Variants in KIF24 observed in about 807,000 individuals in gnomAD.
KIF24 encodes kinesin-like protein KIF24.
A neutral mutation model predicts 118.9 loss-of-function variants in KIF24; 81 were observed. The observed-to-expected ratio is 0.68, with a 90% confidence interval of 0.57 to 0.82. KIF24 has a LOEUF of 0.82. Among genes scored for constraint, KIF24 ranks in the 40% least tolerant of loss-of-function variants. KIF24 has a pLI of 0.00. For synonymous variants in KIF24, 599 were observed against 610.0 expected, an observed-to-expected ratio of 0.98 and a Z score of 0.27; for missense variants, 1,560 against 1,661.6, an observed-to-expected ratio of 0.94 and a Z score of 1.06.
intron 1 of KIF24, among the ~76,000 whole-genome samples, chr9:34,312,303 T>C (rs10814095): frequency 0.71 from 107,387 of 152,080 alleles, 39,750 homozygotes; most frequent in East Asian, 0.95. Flanking sequence ...AAAATTTTAA[T>C]ATCAAGATAT....
Position 34,306,388 on chromosome 9 carries a change from ACT to A in KIF24, c.675_676del (p.Arg225SerfsTer19), listed in dbSNP as rs774347008. On this transcript the variant is annotated frameshift_variant, in exon 3 of 13. Coordinates refer to ENST00000402558, the MANE Select transcript of KIF24 (RefSeq NM_194313.4). LOFTEE classifies it high-confidence loss of function. Reference sequence around the variant, plus strand: ...GCCCAGGGGGCGTTTTCGAACACAAACTCTGATTTTCTCCATCTCAGTCCAAG... The same window carrying A: ...GCCCAGGGGGCGTTTTCGAACACAAACTGATTTTCTCCATCTCAGTCCAAG... The A allele has an allele frequency of 3.6e-5, 58 of 1,612,602 alleles. No individual in the cohort carries two copies. The highest frequency in any genetic ancestry group is 3.3e-4 in the Middle Eastern group (2 of 6,056).
intron 4 of KIF24, among the ~76,000 whole-genome samples, chr9:34,292,710 G>C (rs1451103931): frequency 6.6e-6 from 1 of 152,224 alleles, no homozygotes; most frequent in Non-Finnish European, 1.5e-5. Context: ...GCTTGGAGCA[G>C]AGACCAGCTA....
At chr9:34,310,455 A>G (rs1189689471) in intron 2 of KIF24, among the ~76,000 whole-genome samples, 1 of 152,192 alleles carries the variant, frequency 6.6e-6, no homozygotes, top group African/African-American at 2.4e-5. Flanking sequence ...AAACAATAGA[A>G]ACAGATCTGC....
intron 3 of KIF24, among the ~76,000 whole-genome samples, chr9:34,303,850 A>G (rs1408765756): frequency 1.3e-5 from 2 of 152,176 alleles, no homozygotes; most frequent in Non-Finnish European, 2.9e-5. Flanking sequence ...TCCTGTCTCA[A>G]ACAGACAGAC....
intron 4 of KIF24, among the ~76,000 whole-genome samples, chr9:34,295,085 C>T (rs918167656): frequency 2.0e-5 from 3 of 152,098 alleles, no homozygotes; most frequent in Admixed American, 1.3e-4. Flanking sequence ...GGCTACTTGG[C>T]ATTTTCTATC....
intron 1 of KIF24, among the ~76,000 whole-genome samples, chr9:34,320,658 CAAAAAAAAAAA>C (rs68048466): frequency 3.7e-5 from 2 of 54,442 alleles, no homozygotes; most frequent in East Asian, 6.7e-4. Context: ...AACTCCTTCT[CAAAAAAAAAAA>C]AAAAAAAAAA....
At chr9:34,314,502 C>T (rs1837275734) in intron 1 of KIF24, among the ~76,000 whole-genome samples, 2 of 151,994 alleles carry the variant, frequency 1.3e-5, no homozygotes, top group South Asian at 4.1e-4. Context: ...ATACCTGAGC[C>T]CCATCCCAGA....
At chr9:34,266,714 AAG>A (rs1253266116) in intron 8 of KIF24, among the ~76,000 whole-genome samples, 1 of 151,774 alleles carries the variant, frequency 6.6e-6, no homozygotes, top group Admixed American at 6.6e-5. Context: ...AAGAAAGAAA[AAG>A]AAACCAAGAC....
At chr9:34,307,951 T>C (rs570120706) in intron 2 of KIF24, among the ~76,000 whole-genome samples, 6 of 151,918 alleles carry the variant, frequency 3.9e-5, no homozygotes, top group Non-Finnish European at 8.8e-5. Context: ...CTTTTGCATA[T>C]GTTTGATTTT....
At chr9:34,311,718 GTATA>G (rs1167814000) in intron 1 of KIF24, among the ~76,000 whole-genome samples, 2 of 134,034 alleles carry the variant, frequency 1.5e-5, no homozygotes, top group African/African-American at 5.6e-5. Context: ...ACGTATATAT[GTATA>G]TACACGTATA....
At chr9:34,259,946 G>A (rs1834994595) in intron 9 of KIF24, among the ~76,000 whole-genome samples, 1 of 152,150 alleles carries the variant, frequency 6.6e-6, no homozygotes, top group Admixed American at 6.5e-5. Flanking sequence ...ATTAGATTAA[G>A]AGACTAACGA....
At position 34,302,876 on chromosome 9, in the gene KIF24, C is replaced by T. The variant is rs369345613; in HGVS notation, c.813+3376G>A. On this transcript the variant is annotated intron_variant, in intron 3 of 12. Transcript: ENST00000402558. ...CTGCAAGCTCCGCCTCCCGGGTTCA[C>T]GCCATTCTCCTGCCTCAGCCTCCCA... is the stretch of plus-strand genomic sequence containing the variant. Among the ~76,000 whole-genome samples the T allele has an allele frequency of 1.5e-4, 21 of 141,774 alleles. No individual in the cohort carries two copies. In the East Asian group the frequency reaches 1.9e-3, roughly 13 times the overall value. 93.0% of individuals were successfully genotyped at this position (141,774 alleles called of 152,430 possible). A position where few individuals can be genotyped will look rare whatever the true frequency, so the allele number is the denominator to read the frequency against.
chr9:34,254,209 GA>G lies in KIF24; in HGVS notation c.*170del. 1 of 586,358 alleles carries G rather than the reference GA, an allele frequency of 1.7e-6. No individual in the cohort carries two copies. Among genetic ancestry groups the G allele is most frequent in the Non-Finnish European group, 2.8e-6 (1 of 358,482 alleles). The allele number at this position is 586,358 out of a possible 1,614,324, so 36.3% of individuals were successfully genotyped here. On this transcript the variant is annotated 3_prime_UTR_variant, in exon 13 of 13. Coordinates refer to ENST00000402558, the MANE Select transcript of KIF24 (RefSeq NM_194313.4). The stretch of plus-strand genomic sequence containing the variant: ...GAGGGACAGGGGCCTGTCCCTGAGG[GA>G]GAAGCTGGGACCTATCTGAAGCCAC...
chr9:34,321,972 C>G (rs1837540119), intron 1 of KIF24, among the ~76,000 whole-genome samples: 2 of 152,074 alleles, frequency 1.3e-5, no homozygotes, highest in South Asian at 4.2e-4. Flanking sequence ...CAGAGATAAT[C>G]TAATCTGTAG....
intron 3 of KIF24, among the ~76,000 whole-genome samples, chr9:34,298,688 T>A (rs142477950): frequency 1.3e-5 from 2 of 152,278 alleles, no homozygotes; most frequent in African/African-American, 4.8e-5. Flanking sequence ...ACTAACTTTA[T>A]AGGCAAGAAG....
At chr9:34,323,360 A>C (rs919295214) in intron 1 of KIF24, among the ~76,000 whole-genome samples, 1 of 152,220 alleles carries the variant, frequency 6.6e-6, no homozygotes, top group East Asian at 1.9e-4. Flanking sequence ...ACGTTTTTAC[A>C]TTTGGTGAAA....
At chr9:34,292,544 T>G (rs1247430527) in intron 4 of KIF24, among the ~76,000 whole-genome samples, 2 of 152,136 alleles carry the variant, frequency 1.3e-5, no homozygotes, top group Non-Finnish European at 2.9e-5. Flanking sequence ...ATTTATAGCA[T>G]GGACAGGGAT....
chr9:34,254,547 A>G, intron 12 of KIF24, 27 bp from the exon 13 acceptor site: 3 of 1,608,398 alleles, frequency 1.9e-6, no homozygotes, highest in South Asian at 1.1e-5. Flanking sequence ...GGACGAATAC[A>G]GCTTTTGCTC....
chr9:34,262,971 CTTCT>C, intron 9 of KIF24, 126 bp downstream of exon 9: 1 of 679,156 alleles, frequency 1.5e-6, no homozygotes, highest in Non-Finnish European at 2.7e-6. Flanking sequence ...CACTCCTCTC[CTTCT>C]CTTTTCCCCA....
Sources: gnomAD v4.1 joint callset for allele counts (sites outside exome capture counted in the v4.1 genomes callset) on GRCh38, gnomAD v4.1.1 for gene constraint, MANE v1.5 for transcripts, NCBI Gene and HGNC (gene_info 2026-07-23, HGNC 2026-07-21) for gene names.